Variants in MITD1 observed in about 807,000 individuals in gnomAD.
The protein encoded by MITD1 is microtubule interacting and trafficking domain containing 1, also known as MIT domain-containing protein 1.
A neutral mutation model predicts 34.9 loss-of-function variants in MITD1; 24 were observed. That is an observed-to-expected ratio of 0.69 (90% confidence interval 0.50 to 0.97). The LOEUF (loss-of-function observed/expected upper bound fraction) is 0.97, where lower values mean the gene tolerates loss of function less well. Among genes scored for constraint, MITD1 ranks in the 50% least tolerant of loss-of-function variants. MITD1 has a pLI of 0.00. For missense variants in MITD1, 266 were observed against 294.6 expected, an observed-to-expected ratio of 0.90 and a Z score of 0.71; for synonymous variants, 102 against 101.4, an observed-to-expected ratio of 1.01 and a Z score of -0.04.
chr2:99,180,447 GA>G (rs530878860), intron 1 of MITD1, among the ~76,000 whole-genome samples: 3 of 151,574 alleles, frequency 2.0e-5, no homozygotes, highest in Admixed American at 6.6e-5. Flanking sequence ...GAAAGTTTTG[GA>G]AAAAAAATCA....
chr2:99,167,090 TTC>T (rs557049583), downstream of MITD1, among the ~76,000 whole-genome samples: 117 of 152,030 alleles, frequency 7.7e-4, no homozygotes, highest in African/African-American at 2.6e-3. Context: ...CATACACAAT[TTC>T]TCTCTTTCAA....
Position 99,162,465 on chromosome 2 carries a change from G to A in MITD1, c.*4-247C>T, listed in dbSNP as rs1057524480. On this transcript the variant is annotated intron_variant, in intron 7 of 7. Transcript: ENST00000422537. ...AATCTCAGGAACAGCTTCTAAGATC[G>A]GCCGGACTACTGCCTATCACCATTG... is the stretch of plus-strand genomic sequence containing the variant. 1.1e-5 allele frequency: 18 copies of A among 1,613,840 alleles called. No homozygotes were observed. The highest frequency in any genetic ancestry group is 3.3e-4 in the Middle Eastern group (2 of 6,084).
chr2:99,180,621 T>C (rs185662757), intron 1 of MITD1: 44 of 529,180 alleles, frequency 8.3e-5, no homozygotes, highest in African/African-American at 8.2e-4. Flanking sequence ...AAATCTAGAC[T>C]AGTAGCCTCC....
At chr2:99,180,180 C>G (rs527238362) in intron 1 of MITD1, among the ~76,000 whole-genome samples, 2 of 152,156 alleles carry the variant, frequency 1.3e-5, no homozygotes, top group Non-Finnish European at 2.9e-5. Flanking sequence ...CGAACCTCAT[C>G]CGTTTAAGAA....
At chr2:99,164,255 AT>A (rs2093815869) in intron 7 of MITD1, among the ~76,000 whole-genome samples, 1 of 152,060 alleles carries the variant, frequency 6.6e-6, no homozygotes, top group Non-Finnish European at 1.5e-5. Context: ...TTGATTCATA[AT>A]TTGGTGAGAG....
Position 99,162,535 on chromosome 2 carries a change from T to C in MITD1, c.*4-317A>G. On this transcript the variant is annotated intron_variant, in intron 7 of 7. Transcript: ENST00000422537. Reference sequence around the variant, plus strand: ...GATGGGACGTTCTTGTCTTCTTTGCTAAAGAGCCCTTACCAAGGGATCAGG... The same window carrying C: ...GATGGGACGTTCTTGTCTTCTTTGCCAAAGAGCCCTTACCAAGGGATCAGG... 1 of 1,614,184 alleles carries C rather than the reference T, an allele frequency of 6.2e-7. No homozygotes were observed. The highest frequency in any genetic ancestry group is 1.3e-5 in the African/African-American group (1 of 75,058).
At chr2:99,174,699 T>C (rs1480536827) in intron 1 of MITD1, among the ~76,000 whole-genome samples, 1 of 152,218 alleles carries the variant, frequency 6.6e-6, no homozygotes, top group Non-Finnish European at 1.5e-5. Flanking sequence ...CAAGCAATTC[T>C]CCTGTCTTAG....
At chr2:99,163,571 G>A (rs755365868) in intron 7 of MITD1, among the ~76,000 whole-genome samples, 11 of 152,032 alleles carry the variant, frequency 7.2e-5, no homozygotes, top group Admixed American at 3.9e-4. Flanking sequence ...CAAGTGATCC[G>A]CCGACCTCAG....
chr2:99,177,621 G>A (rs1375073950), intron 1 of MITD1, among the ~76,000 whole-genome samples: 1 of 151,866 alleles, frequency 6.6e-6, no homozygotes, highest in Non-Finnish European at 1.5e-5. Context: ...ATTAACTCTA[G>A]TCACCCTATT....
downstream of MITD1, among the ~76,000 whole-genome samples, chr2:99,166,893 A>ATATATATATATATATATG: frequency 9.5e-6 from 1 of 105,034 alleles, no homozygotes; most frequent in Admixed American, 1.1e-4. Context: ...ATATATATAT[A>ATATATATATATATATATG]TATAAATTTT....
chr2:99,177,852 C>T (rs921360322), intron 1 of MITD1, among the ~76,000 whole-genome samples: 4 of 152,144 alleles, frequency 2.6e-5, no homozygotes, highest in African/African-American at 7.2e-5. Context: ...ATTCCTCCTA[C>T]CCACTGCCCT....
Position 99,171,491 on chromosome 2 carries a change from T to G in MITD1, c.390+19A>C. ...ACATTGAATATGATATTTCATTATA[T>G]TTTAGTATGTTCACATACCTGATGA... On this transcript the variant is annotated intron_variant, in intron 3 of 6. Coordinates refer to ENST00000289359, the MANE Select transcript of MITD1 (RefSeq NM_138798.3). 6.3e-7 allele frequency: 1 copy of G among 1,595,228 alleles called. No individual in the cohort carries two copies. The highest frequency in any genetic ancestry group is 1.1e-5 in the South Asian group (1 of 90,552).
chr2:99,164,455 A>G (rs1265803357), downstream of MITD1, among the ~76,000 whole-genome samples: 3 of 152,160 alleles, frequency 2.0e-5, no homozygotes, highest in African/African-American at 7.2e-5. Context: ...GAGTAGCCGG[A>G]ACTACAGATG....
At chr2:99,180,441 G>A (rs946179788) in intron 1 of MITD1, among the ~76,000 whole-genome samples, 1 of 151,992 alleles carries the variant, frequency 6.6e-6, no homozygotes, top group Non-Finnish European at 1.5e-5. Flanking sequence ...ATTAAGGAAA[G>A]TTTTGGAAAA....
chr2:99,174,589 A>C (rs911036579), intron 1 of MITD1, among the ~76,000 whole-genome samples: 1 of 151,426 alleles, frequency 6.6e-6, no homozygotes, highest in Non-Finnish European at 1.5e-5. Context: ...AAATAATCTC[A>C]TTTTTTGTTT....
intron 5 of MITD1, among the ~76,000 whole-genome samples, chr2:99,170,043 C>G (rs1234345830): frequency 6.6e-6 from 1 of 152,166 alleles, no homozygotes; most frequent in Non-Finnish European, 1.5e-5. Context: ...TTTATTAAAA[C>G]TGAGTGCCCT....
chr2:99,170,575 T>C lies in MITD1; in HGVS notation c.555A>G (p.Glu185=). ...ESLRSHGVLL[E]VQYSSSIHDR... is the part of the protein sequence containing the mutation. Reference sequence around the variant, plus strand: ...CATGTATTGAAGAAGAGTATTGAACTTCCAACAGCACTCCGTGACTCCTGA... The same window carrying C: ...CATGTATTGAAGAAGAGTATTGAACCTCCAACAGCACTCCGTGACTCCTGA... Residue 185 remains glutamate (E), a synonymous_variant, in exon 5 of 7, where the codon GAA becomes GAG. Coordinates refer to ENST00000289359, the MANE Select transcript of MITD1 (RefSeq NM_138798.3). 1 of 1,602,588 alleles carries C rather than the reference T, an allele frequency of 6.2e-7. No homozygotes were observed. Among genetic ancestry groups the C allele is most frequent in the Non-Finnish European group, 8.5e-7 (1 of 1,170,732 alleles).
At chr2:99,162,054 A>C in exon 8 of MITD1, 9 of 1,614,142 alleles carry the variant, frequency 5.6e-6, no homozygotes, top group Non-Finnish European at 7.6e-6. Context: ...AAATGGGCTC[A>C]TTTTACAGTC....
At chr2:99,166,322 G>T (rs2093826503), downstream of MITD1, among the ~76,000 whole-genome samples, 2 of 151,998 alleles carry the variant, frequency 1.3e-5, no homozygotes, top group Non-Finnish European at 2.9e-5. Context: ...AGCCAACTGG[G>T]TCAAATGCTT....
Sources: allele counts gnomAD v4.1 joint callset (sites outside exome capture counted in the v4.1 genomes callset), GRCh38; gene constraint gnomAD v4.1.1; transcripts MANE v1.5; gene names NCBI Gene and HGNC (gene_info 2026-07-23, HGNC 2026-07-21).